Variants in FER observed in about 807,000 individuals in gnomAD.
FER encodes tyrosine-protein kinase Fer.
In FER, 63 loss-of-function variants were observed where a neutral mutation model predicts 111.0. The ratio of observed to expected loss-of-function variants is 0.57; its 90% CI spans 0.46 to 0.70. The LOEUF (loss-of-function observed/expected upper bound fraction) is 0.70, where lower values mean the gene tolerates loss of function less well. FER is among the 30% of genes least tolerant of loss of function. FER has a pLI of 0.00. For synonymous variants in FER, 327 were observed against 313.9 expected (o/e 1.04, Z -0.44); for missense variants, 914 against 954.0 (o/e 0.96, Z 0.55).
intron 17 of FER, among the ~76,000 whole-genome samples, chr5:109,132,157 C>T (rs913560781): frequency 2.6e-5 from 4 of 152,114 alleles, no homozygotes; most frequent in African/African-American, 9.7e-5. Flanking sequence ...GGCATCTTCA[C>T]AAACTTAAAA....
At chr5:109,133,110 A>G (rs1752537256) in intron 17 of FER, among the ~76,000 whole-genome samples, 1 of 152,170 alleles carries the variant, frequency 6.6e-6, no homozygotes. Flanking sequence ...TGGAAAGTAA[A>G]TGTTAGTATG....
At chr5:109,072,646 C>T (rs1329978335) in intron 16 of FER, among the ~76,000 whole-genome samples, 1 of 151,842 alleles carries the variant, frequency 6.6e-6, no homozygotes, top group Non-Finnish European at 1.5e-5. Flanking sequence ...CTATCGGACT[C>T]AAAGGAAATA....
intron 13 of FER, among the ~76,000 whole-genome samples, chr5:108,964,927 G>A (rs980726032): frequency 2.0e-5 from 3 of 151,864 alleles, no homozygotes; most frequent in African/African-American, 7.3e-5. Context: ...TCACTTGTAT[G>A]GGCTTTTCAA....
At position 108,946,161 on chromosome 5, in the gene FER, C is replaced by T. The variant is rs1306883052; in HGVS notation, c.1268C>T (p.Ser423Phe). The change falls in exon 11 of 20, where the codon TCT (serine) becomes TTT (phenylalanine). Residue 423 changes from serine (S) to phenylalanine (F), a missense_variant. Ser to Phe is a radical substitution (Grantham distance 155). Around this residue, in one of 3 missense-constraint regions of FER, gnomAD observed 774 missense variants for 782.6 expected, o/e 0.99. Transcript: ENST00000281092. ...AAGGAGAGGCTATCCAAATTTGAAT[C>T]TATTCGTCATTCAATTGCTGGAATA... ...ERKERLSKFESIRHSIAGIIR... is the reference protein window; with the variant it reads ...ERKERLSKFEFIRHSIAGIIR... 1.9e-6 allele frequency: 3 copies of T among 1,612,294 alleles called. No homozygotes were observed. The highest frequency in any genetic ancestry group is 2.5e-6 in the Non-Finnish European group (3 of 1,178,846).
At chr5:108,923,149 A>T (rs1753258693) in intron 10 of FER, among the ~76,000 whole-genome samples, 1 of 152,040 alleles carries the variant, frequency 6.6e-6, no homozygotes, top group South Asian at 2.1e-4. Context: ...GCTTTCTCCT[A>T]AGAAATTCTT....
chr5:109,033,436 C>G (rs556304697), intron 13 of FER, among the ~76,000 whole-genome samples: 2 of 152,036 alleles, frequency 1.3e-5, no homozygotes, highest in South Asian at 4.2e-4. Context: ...GGAGAAAAGT[C>G]AGTAAAAATA....
At chr5:108,863,425 A>C (rs926747753) in intron 5 of FER, among the ~76,000 whole-genome samples, 4 of 152,132 alleles carry the variant, frequency 2.6e-5, no homozygotes, top group Non-Finnish European at 5.9e-5. Context: ...AGGCAATTGC[A>C]TTGACTTTTG....
rs992848701 is a variant in FER, at chr5:109,019,009, A to G, written c.1657-18413A>G. ...CTGATTCATATGAATCATAGGTATT[A>G]TCTAACACCATAATATCCTAATAAT... On this transcript the variant is annotated intron_variant, in intron 13 of 19. Coordinates refer to ENST00000281092, the MANE Select transcript of FER (RefSeq NM_005246.4). Among the ~76,000 whole-genome samples the G allele has an allele frequency of 3.3e-5, 5 of 151,484 alleles. No homozygotes were observed. The Admixed American group carries it at 3.3e-4, about 10-fold the overall frequency.
intron 6 of FER, among the ~76,000 whole-genome samples, chr5:108,868,838 A>G (rs143961726): frequency 6.6e-6 from 1 of 152,160 alleles, no homozygotes; most frequent in African/African-American, 2.4e-5. Context: ...AAATTAGCAC[A>G]TAAGCTCTTA....
intron 10 of FER, among the ~76,000 whole-genome samples, chr5:108,899,228 T>C (rs1354708208): frequency 1.3e-5 from 2 of 152,000 alleles, no homozygotes; most frequent in Non-Finnish European, 2.9e-5. Context: ...TTGAGCCATA[T>C]TAATCTACAC....
At chr5:108,992,453 A>C (rs113311440) in intron 13 of FER, among the ~76,000 whole-genome samples, 20 of 139,520 alleles carry the variant, frequency 1.4e-4, no homozygotes, top group South Asian at 4.7e-4. Flanking sequence ...TAGGGGCGGC[A>C]GGGCAGAGGC....
chr5:108,764,828 G>T (rs1219021996), intron 1 of FER, among the ~76,000 whole-genome samples: 7 of 152,186 alleles, frequency 4.6e-5, no homozygotes, highest in Admixed American at 4.6e-4. Flanking sequence ...GAGTAGAGAT[G>T]GGAAAGAGAA....
At chr5:108,795,765 G>T (rs921786980) in intron 2 of FER, among the ~76,000 whole-genome samples, 3 of 151,938 alleles carry the variant, frequency 2.0e-5, no homozygotes, top group African/African-American at 7.3e-5. Context: ...TCTAAATTTG[G>T]TCTCTCTGTT....
chr5:108,936,416 G>A (rs1165664806), intron 10 of FER, among the ~76,000 whole-genome samples: 2 of 151,994 alleles, frequency 1.3e-5, no homozygotes, highest in East Asian at 3.9e-4. Flanking sequence ...TAAGTCTGAT[G>A]TTTGGAGTTA....
intron 10 of FER, among the ~76,000 whole-genome samples, chr5:108,943,564 T>G (rs1225649436): frequency 6.6e-6 from 1 of 152,110 alleles, no homozygotes; most frequent in Non-Finnish European, 1.5e-5. Flanking sequence ...GCCCTTTATA[T>G]CTTTGTGCTT....
chr5:109,053,325 G>C (rs1773110059), intron 16 of FER, among the ~76,000 whole-genome samples: 1 of 148,432 alleles, frequency 6.7e-6, no homozygotes, highest in African/African-American at 2.5e-5. Flanking sequence ...AGAGGTTGCA[G>C]TGAGCCAAGA....
At chr5:108,771,648 T>C (rs2149967337) in intron 2 of FER, among the ~76,000 whole-genome samples, 1 of 152,332 alleles carries the variant, frequency 6.6e-6, no homozygotes, top group East Asian at 1.9e-4. Context: ...CAAAATTGAG[T>C]ATATAGGACA....
chr5:109,050,112 G>A (rs891194700), intron 16 of FER, among the ~76,000 whole-genome samples: 1 of 152,130 alleles, frequency 6.6e-6, no homozygotes, highest in Non-Finnish European at 1.5e-5. Context: ...CCTGTTTACA[G>A]TACTAAAATT....
chr5:109,139,353 T>TTTC (rs1241813405), intron 17 of FER, among the ~76,000 whole-genome samples: 2 of 140,106 alleles, frequency 1.4e-5, no homozygotes, highest in Non-Finnish European at 3.1e-5. Flanking sequence ...TTTCTTTCTT[T>TTTC]TTTTTTTTTT....
Sources: allele counts gnomAD v4.1 joint callset (sites outside exome capture counted in the v4.1 genomes callset), GRCh38; gene constraint gnomAD v4.1.1; regional missense constraint gnomAD v4.1.1; transcripts MANE v1.5; gene names NCBI Gene and HGNC (gene_info 2026-07-23, HGNC 2026-07-21).